Variants in FAM53A observed in about 807,000 individuals in gnomAD.
FAM53A encodes the protein family with sequence similarity 53 member A.
In FAM53A, 28 loss-of-function variants were observed where a neutral mutation model predicts 26.6. The observed-to-expected ratio is 1.05, with a 90% CI of 0.78 to 1.45. FAM53A has a LOEUF of 1.45. Ranked by LOEUF, FAM53A falls within the 40% of genes most tolerant of loss-of-function variation. The pLI is 0.00. For synonymous variants in FAM53A, 290 were observed against 253.1 expected (o/e 1.15, Z -1.38); for missense variants, 650 against 575.8 (o/e 1.13, Z -1.32).
At chr4:1,609,498 C>T in the FAM53A span, among the ~76,000 whole-genome samples, 2 of 152,264 alleles carry the variant, frequency 1.3e-5, no homozygotes, top group African/African-American at 4.8e-5. Context: ...TACCCTCATA[C>T]TGCTGTTCTC....
At chr4:1,647,628 C>G (rs1712361190) in intron 4 of FAM53A, among the ~76,000 whole-genome samples, 1 of 152,250 alleles carries the variant, frequency 6.6e-6, no homozygotes, top group South Asian at 2.1e-4. Flanking sequence ...CGGACTAGAG[C>G]TGGGCTGCGC....
Position 1,655,440 on chromosome 4 carries a change from G to C in FAM53A, c.420C>G (p.Gly140=). ...AGACTGGAGTCCAGACCTTGGAGCTGCCGGGGCGCCAGGGGGACCGGCAGC... is the reference window on the plus strand; with the variant it reads ...AGACTGGAGTCCAGACCTTGGAGCTCCCGGGGCGCCAGGGGGACCGGCAGC... ...LVRCRSPWRP[G]SSKVWTPVSK... is the part of the protein sequence containing the mutation. Residue 140 remains glycine (G), a synonymous_variant, in exon 4 of 5, where the codon GGC becomes GGG. Coordinates refer to ENST00000308132, the MANE Select transcript of FAM53A (RefSeq NM_001174070.3). The C allele has an allele frequency of 6.6e-7, 1 of 1,520,516 alleles. No homozygotes were observed. The highest frequency in any genetic ancestry group is 8.8e-7 in the Non-Finnish European group (1 of 1,134,236). 94.2% of individuals were successfully genotyped at this position (1,520,516 alleles called of 1,614,324 possible).
downstream of FAM53A, among the ~76,000 whole-genome samples, chr4:1,639,343 G>A (rs772322019): frequency 1.1e-4 from 17 of 152,186 alleles, no homozygotes; most frequent in Non-Finnish European, 1.9e-4. Flanking sequence ...ACCACCCGGA[G>A]CTGATCTCCA....
the FAM53A span, among the ~76,000 whole-genome samples, chr4:1,605,044 C>T: frequency 6.6e-6 from 1 of 152,194 alleles, no homozygotes; most frequent in Non-Finnish European, 1.5e-5. This position sits in a 1 kb window ranked among gnomAD's most constrained non-coding sequence, Gnocchi z 5.7. Context: ...GACCCTGCTC[C>T]CGCCACCTGC....
At chr4:1,615,483 C>T (rs548703088), downstream of FAM53A, among the ~76,000 whole-genome samples, 2 of 148,838 alleles carry the variant, frequency 1.3e-5, no homozygotes, top group Non-Finnish European at 3.0e-5. Context: ...GATGCAGCCA[C>T]GCCCACCTCA....
chr4:1,654,772 C>G (rs1018334234), intron 4 of FAM53A, among the ~76,000 whole-genome samples: 1 of 152,210 alleles, frequency 6.6e-6, no homozygotes, highest in Non-Finnish European at 1.5e-5. Context: ...CGGGAGCAGG[C>G]GGGGTGAGCT....
intron 1 of FAM53A, among the ~76,000 whole-genome samples, chr4:1,682,855 T>C (rs1560222153): frequency 6.6e-6 from 1 of 152,224 alleles, no homozygotes; most frequent in Non-Finnish European, 1.5e-5. Flanking sequence ...AAAAACGTTC[T>C]GTGGTCCCCA....
chr4:1,657,977 T>C (rs909122322), intron 2 of FAM53A, among the ~76,000 whole-genome samples: 1 of 151,072 alleles, frequency 6.6e-6, no homozygotes, highest in African/African-American at 2.4e-5. Context: ...AAATTTTTTC[T>C]GTTTTTAAAA....
At position 1,641,206 on chromosome 4, in the gene FAM53A, T is replaced by C; in HGVS notation, c.*87A>G. ...GTGCCCCAGGGCAGGTGCCGGGCCG[T>C]GGCCCCGACCAGCTCACAGGAAACC... On this transcript the variant is annotated 3_prime_UTR_variant, in exon 5 of 5. Transcript: ENST00000308132. The C allele has an allele frequency of 7.9e-7, 1 of 1,265,568 alleles. No individual in the cohort carries two copies. The highest frequency in any genetic ancestry group is 2.2e-5 in the Admixed American group (1 of 44,482). 78.4% of individuals were successfully genotyped at this position (1,265,568 alleles called of 1,614,324 possible).
rs116289607 is a variant in FAM53A, at chr4:1,668,470, A to G, written c.75+197T>C. On this transcript the variant is annotated intron_variant, in intron 2 of 4. Coordinates refer to ENST00000308132, the MANE Select transcript of FAM53A (RefSeq NM_001174070.3). ...TTTTAATAAGTCTATTTTTTTTTCA[A>G]TGATGGTGAAAATCCGCTGTGATTA... Among the ~76,000 whole-genome samples the G allele has an allele frequency of 6.0e-3, 907 of 152,114 alleles. 10 individuals carry two copies. The highest frequency in any genetic ancestry group is 0.021 in the African/African-American group (856 of 41,512).
chr4:1,641,738 T>A, intron 4 of FAM53A, 131 bp from the exon 5 acceptor site: 1 of 889,476 alleles, frequency 1.1e-6, no homozygotes, highest in Non-Finnish European at 1.8e-6. Context: ...GCAGGGGCCT[T>A]GGTCCCCTGT....
chr4:1,586,642 G>C, the FAM53A span, among the ~76,000 whole-genome samples: 1 of 151,850 alleles, frequency 6.6e-6, no homozygotes, highest in African/African-American at 2.4e-5. Flanking sequence ...AATTAGCCAG[G>C]TGTGGTGGCG....
the FAM53A span, among the ~76,000 whole-genome samples, chr4:1,611,289 T>TGA: frequency 6.6e-6 from 1 of 152,126 alleles, no homozygotes; most frequent in Non-Finnish European, 1.5e-5. Context: ...CCGTGGGCCC[T>TGA]GAGAGACACC....
intron 1 of FAM53A, among the ~76,000 whole-genome samples, chr4:1,632,465 C>T (rs1017751038): frequency 1.3e-5 from 2 of 152,182 alleles, no homozygotes; most frequent in African/African-American, 2.4e-5. Context: ...GCCCACTGTG[C>T]AGTATTCTGA....
intron 1 of FAM53A, chr4:1,683,994 G>A (rs1383613952): frequency 6.6e-6 from 1 of 152,200 alleles, no homozygotes; most frequent in East Asian, 1.9e-4. Flanking sequence ...ACCGAACCAC[G>A]GCGCGGGGCC....
At chr4:1,576,427 G>A in the FAM53A span, among the ~76,000 whole-genome samples, 1 of 152,220 alleles carries the variant, frequency 6.6e-6, no homozygotes, top group Admixed American at 6.5e-5. Flanking sequence ...GCTGCCTGCA[G>A]CACAGCGACG....
At chr4:1,662,598 A>T (rs1379935067) in intron 2 of FAM53A, among the ~76,000 whole-genome samples, 2 of 149,960 alleles carry the variant, frequency 1.3e-5, no homozygotes, top group African/African-American at 4.9e-5. Flanking sequence ...TGCAGTGAGC[A>T]GTGATTGAGA....
chr4:1,585,431 C>T, the FAM53A span, among the ~76,000 whole-genome samples: 7 of 152,136 alleles, frequency 4.6e-5, no homozygotes, highest in South Asian at 2.1e-4. Context: ...GGATTACAGG[C>T]GCATGCCACC....
chr4:1,621,199 GT>G (rs1187224550), intron 1 of FAM53A, among the ~76,000 whole-genome samples: 1 of 147,642 alleles, frequency 6.8e-6, no homozygotes, highest in African/African-American at 2.5e-5. Context: ...GCCCCCCAGG[GT>G]TCATGCCATT....
Sources: allele counts gnomAD v4.1 joint callset (sites outside exome capture counted in the v4.1 genomes callset), GRCh38; gene constraint gnomAD v4.1.1; non-coding constraint Gnocchi (gnomAD v3.1); transcripts MANE v1.5; gene names NCBI Gene and HGNC (gene_info 2026-07-23, HGNC 2026-07-21).